The following PCDH11X variants were observed in gnomAD, a reference collection of about 807,000 sequenced individuals.
PCDH11X encodes protocadherin-11 X-linked.
A neutral mutation model predicts 53.3 loss-of-function variants in PCDH11X; 18 were observed. That is an observed-to-expected ratio of 0.34 (90% CI 0.23 to 0.50). The LOEUF (loss-of-function observed/expected upper bound fraction) is 0.50, where lower values mean the gene tolerates loss of function less well. PCDH11X is among the 20% of genes least tolerant of loss of function. The pLI is 0.98. For synonymous variants in PCDH11X, 279 were observed against 393.3 expected (o/e 0.71, Z 3.44); for missense variants, 570 against 1,032.4 (o/e 0.55, Z 6.14).
intron 10 of PCDH11X, among the ~76,000 whole-genome samples, chrX:92,585,432 T>C (rs1924277207): frequency 9.7e-6 from 1 of 102,725 alleles, no homozygotes; most frequent in East Asian, 3.1e-4. Flanking sequence ...AGTGCAGCGG[T>C]GCTATCTCGG....
chrX:92,382,799 G>C (rs12393062), intron 8 of PCDH11X, among the ~76,000 whole-genome samples: 1 of 103,384 alleles, frequency 9.7e-6, no homozygotes, highest in Non-Finnish European at 2.0e-5. Flanking sequence ...TAAAGTCACT[G>C]TTCCAGTCAA....
At chrX:92,189,665 A>G (rs5941052) in intron 6 of PCDH11X, among the ~76,000 whole-genome samples, 53,828 of 110,772 alleles carry the variant, frequency 0.49, 10,079 homozygotes, top group Non-Finnish European at 0.6. Flanking sequence ...AGTTAAACTA[A>G]TTTGCACTCC....
At chrX:92,336,572 G>T (rs1187687150) in intron 8 of PCDH11X, among the ~76,000 whole-genome samples, 1 of 111,478 alleles carries the variant, frequency 9.0e-6, no homozygotes, top group East Asian at 2.8e-4. Flanking sequence ...TATATATTTA[G>T]AATTTTTTGT....
intron 6 of PCDH11X, among the ~76,000 whole-genome samples, chrX:92,101,210 C>A (rs770532722): frequency 1.8e-5 from 2 of 111,199 alleles, no homozygotes; most frequent in East Asian, 5.7e-4. Context: ...TAGTTGAGAA[C>A]GGAGAATAGG....
chrX:92,571,480 A>T (rs1384322523), intron 10 of PCDH11X, among the ~76,000 whole-genome samples: 1 of 109,498 alleles, frequency 9.1e-6, no homozygotes, highest in Non-Finnish European at 1.9e-5. Flanking sequence ...TGAAGTTGAT[A>T]TTTGATGATA....
At chrX:92,235,671 A>C (rs1274890385) in intron 7 of PCDH11X, among the ~76,000 whole-genome samples, 1 of 111,613 alleles carries the variant, frequency 9.0e-6, no homozygotes, top group Admixed American at 9.7e-5. Flanking sequence ...TTATTATTTC[A>C]TAAGGGAATG....
chrX:91,912,740 G>A (rs1449435458), intron 6 of PCDH11X, among the ~76,000 whole-genome samples: 2 of 108,448 alleles, frequency 1.8e-5, no homozygotes, highest in Non-Finnish European at 3.8e-5. Context: ...GAGTGTGTGG[G>A]GACTCACACT....
intron 9 of PCDH11X, among the ~76,000 whole-genome samples, chrX:92,410,060 A>G (rs1377919072): frequency 9.0e-6 from 1 of 111,549 alleles, no homozygotes; most frequent in Non-Finnish European, 1.9e-5. Flanking sequence ...TACAGAGTTT[A>G]GAAGAATGTG....
At chrX:92,247,610 CA>C (rs780534889) in intron 7 of PCDH11X, among the ~76,000 whole-genome samples, 14 of 111,782 alleles carry the variant, frequency 1.3e-4, no homozygotes, top group Admixed American at 1.9e-4. Flanking sequence ...GTGTCTTTTC[CA>C]GCTTCTGGTT....
At chrX:92,409,287 G>C (rs2071593596) in intron 9 of PCDH11X, among the ~76,000 whole-genome samples, 1 of 111,858 alleles carries the variant, frequency 8.9e-6, no homozygotes, top group Non-Finnish European at 1.9e-5. Flanking sequence ...TAGTTCAGCA[G>C]AGGACAATCT....
intron 9 of PCDH11X, among the ~76,000 whole-genome samples, chrX:92,461,208 C>T (rs1207653857): frequency 9.1e-6 from 1 of 109,845 alleles, no homozygotes; most frequent in South Asian, 3.9e-4. Context: ...AAAAAATAAT[C>T]CTAAAATTTA....
At chrX:91,991,683 T>A (rs1469469156) in intron 6 of PCDH11X, among the ~76,000 whole-genome samples, 1 of 110,182 alleles carries the variant, frequency 9.1e-6, no homozygotes, top group African/African-American at 3.3e-5. Context: ...TTCAATTTTT[T>A]TTTTAGTTTG....
intron 4 of PCDH11X, among the ~76,000 whole-genome samples, chrX:91,813,869 A>C (rs1170704584): frequency 9.2e-6 from 1 of 108,598 alleles, no homozygotes; most frequent in East Asian, 2.9e-4. Context: ...TCTCTCTTTA[A>C]CAGTTCCTCT....
intron 9 of PCDH11X, among the ~76,000 whole-genome samples, chrX:92,451,709 C>A (rs2072784448): frequency 8.9e-6 from 1 of 111,985 alleles, no homozygotes; most frequent in Non-Finnish European, 1.9e-5. Flanking sequence ...TACAGATTGA[C>A]TTAGCGAGGA....
At chrX:92,437,983 C>T (rs6652295) in intron 9 of PCDH11X, among the ~76,000 whole-genome samples, 1 of 111,758 alleles carries the variant, frequency 8.9e-6, no homozygotes, top group Admixed American at 9.5e-5. Context: ...AGTAACGCAT[C>T]GAAAATTGGG....
At chrX:92,606,838 A>G (rs1456753058) in intron 10 of PCDH11X, among the ~76,000 whole-genome samples, 1 of 111,783 alleles carries the variant, frequency 8.9e-6, no homozygotes, top group Non-Finnish European at 1.9e-5. Flanking sequence ...TGCAAAAGAT[A>G]TAATTTTTAA....
In PCDH11X at chrX:92,323,128, G is replaced by A. The variant is rs77021524; in HGVS notation, c.3144+59985G>A. 2.9e-3 allele frequency among the ~76,000 whole-genome samples: 316 copies of A among 110,006 alleles called. 6 individuals are homozygous for A. The East Asian group carries it at 0.055, about 19-fold the overall frequency. ...ACAAATACTTTATAGAGATTTAATGGGAGAAAGCCTATTTCTTTCTGTTTA... is the reference window on the plus strand; with the variant it reads ...ACAAATACTTTATAGAGATTTAATGAGAGAAAGCCTATTTCTTTCTGTTTA... On this transcript the variant is annotated intron_variant, in intron 8 of 10. Coordinates refer to ENST00000682573, the MANE Select transcript of PCDH11X (RefSeq NM_032968.5).
chrX:92,347,379 C>CT (rs1313588899), intron 8 of PCDH11X, among the ~76,000 whole-genome samples: 2 of 111,568 alleles, frequency 1.8e-5, no homozygotes, highest in Non-Finnish European at 3.8e-5. Context: ...ATAAAGAAGA[C>CT]TTTTTTTCTC....
At chrX:92,484,632 T>C (rs1456086588) in intron 10 of PCDH11X, among the ~76,000 whole-genome samples, 1 of 109,706 alleles carries the variant, frequency 9.1e-6, no homozygotes, top group Non-Finnish European at 1.9e-5. Flanking sequence ...AACTCAGCAA[T>C]TGAAAATCAA....
Sources: allele counts gnomAD v4.1 joint callset (sites outside exome capture counted in the v4.1 genomes callset), GRCh38; gene constraint gnomAD v4.1.1; transcripts MANE v1.5; gene names NCBI Gene and HGNC (gene_info 2026-07-23, HGNC 2026-07-21).